Variants in PTPRE observed in about 807,000 individuals in gnomAD.
PTPRE encodes the protein protein tyrosine phosphatase receptor type E.
Under a neutral mutation model 102.0 loss-of-function variants are expected in PTPRE, and 51 were observed. The ratio of observed to expected loss-of-function variants is 0.50; its 90% CI spans 0.40 to 0.63. The LOEUF is 0.63. PTPRE is among the 30% of genes least tolerant of loss of function. PTPRE has a pLI of 0.00. For synonymous variants in PTPRE, 345 were observed against 348.2 expected, an observed-to-expected ratio of 0.99 and a Z score of 0.10; for missense variants, 752 against 915.1, an observed-to-expected ratio of 0.82 and a Z score of 2.30.
intron 2 of PTPRE, among the ~76,000 whole-genome samples, chr10:128,031,238 GTCA>G (rs1207735788): frequency 1.3e-5 from 2 of 152,234 alleles, no homozygotes; most frequent in Non-Finnish European, 2.9e-5. Context: ...GTTTAGTCCA[GTCA>G]TCATCACTTT....
intron 10 of PTPRE, among the ~76,000 whole-genome samples, chr10:128,063,382 A>T (rs997689194): frequency 6.6e-6 from 1 of 152,342 alleles, no homozygotes; most frequent in East Asian, 1.9e-4. Flanking sequence ...ACTGTTATCT[A>T]ATCTGTGATA....
chr10:128,061,593 G>A (rs1849595002), intron 8 of PTPRE, 86 bp from the exon 9 acceptor site: 1 of 1,486,772 alleles, frequency 6.7e-7, no homozygotes, highest in Non-Finnish European at 9.0e-7. Context: ...TGGTGAATAT[G>A]TACTGCTTTC....
At chr10:128,052,868 A>AC (rs1164236752) in intron 6 of PTPRE, among the ~76,000 whole-genome samples, 5 of 152,158 alleles carry the variant, frequency 3.3e-5, no homozygotes, top group Non-Finnish European at 7.3e-5. Flanking sequence ...AGAACTGCCC[A>AC]CACCTAGCTT....
chr10:127,960,303 C>T (rs190607602), intron 1 of PTPRE, among the ~76,000 whole-genome samples: 3 of 152,290 alleles, frequency 2.0e-5, no homozygotes, highest in East Asian at 3.9e-4. Context: ...AGCAAGTGAG[C>T]GCTGAGTTAG....
At chr10:128,071,416 C>T (rs1016981379) in intron 15 of PTPRE, 1 of 161,954 alleles carries the variant, frequency 6.2e-6, no homozygotes, top group Non-Finnish European at 1.4e-5. Context: ...GTCTGCCACC[C>T]AGGTCATGGG....
chr10:128,045,097 G>A (rs1847983619), intron 3 of PTPRE, among the ~76,000 whole-genome samples: 1 of 152,230 alleles, frequency 6.6e-6, no homozygotes, highest in Admixed American at 6.5e-5. Flanking sequence ...GCCCCTTGAA[G>A]GCCATTGGGT....
intron 1 of PTPRE, among the ~76,000 whole-genome samples, chr10:127,958,055 T>C (rs1465989992): frequency 2.0e-5 from 3 of 152,256 alleles, no homozygotes; most frequent in Non-Finnish European, 4.4e-5. Flanking sequence ...GAAACATTAC[T>C]ATAGTTACCT....
chr10:128,041,109 T>G (rs753257190), intron 3 of PTPRE, 119 bp downstream of exon 3: 1 of 850,670 alleles, frequency 1.2e-6, no homozygotes, highest in East Asian at 2.7e-5. Flanking sequence ...AATTTCTTAG[T>G]GTGCTTTTAA....
chr10:128,078,277 G>A (rs1394161147), intron 19 of PTPRE, among the ~76,000 whole-genome samples: 1 of 152,204 alleles, frequency 6.6e-6, no homozygotes, highest in African/African-American at 2.4e-5. Flanking sequence ...CCCAAGTCAG[G>A]CCCAAAGGCA....
chr10:128,056,099 T>C (rs752640569), intron 6 of PTPRE, 24 bp from the exon 7 acceptor site: 1 of 1,549,778 alleles, frequency 6.5e-7, no homozygotes, highest in Admixed American at 1.7e-5. Context: ...TCACATTTCA[T>C]ACTAATGCTA....
In PTPRE at chr10:128,024,581, A is replaced by G. The variant is rs372542322; in HGVS notation, c.-7-16294A>G. Among the ~76,000 whole-genome samples the G allele has an allele frequency of 5.3e-4, 80 of 152,336 alleles. No homozygotes were observed. In the East Asian group the frequency reaches 0.013, roughly 24 times the overall value. ...AGGATTAGAGTTTGGCACACAGGAA[A>G]TTGAAATTATCCCTTAACAGACTTG... On this transcript the variant is annotated intron_variant, in intron 2 of 20. Coordinates refer to ENST00000254667, the MANE Select transcript of PTPRE (RefSeq NM_006504.6).
intron 2 of PTPRE, among the ~76,000 whole-genome samples, chr10:127,986,501 C>T (rs1017928453): frequency 6.6e-6 from 1 of 152,108 alleles, no homozygotes; most frequent in Non-Finnish European, 1.5e-5. Flanking sequence ...TGGAAATACC[C>T]AAGGAATAAA....
rs1407862718 is a variant in PTPRE at position 128,084,373 on chromosome 10, C to T, written c.*1467C>T. The T allele has an allele frequency of 6.6e-6, 1 of 152,194 alleles. No homozygotes were observed. The highest frequency in any genetic ancestry group is 1.5e-5 in the Non-Finnish European group (1 of 68,038). The allele number at this position is 152,194 out of a possible 1,614,324, so 9.4% of individuals were successfully genotyped here. A position where few individuals can be genotyped will look rare whatever the true frequency, so the allele number is the denominator to read the frequency against. On this transcript the variant is annotated 3_prime_UTR_variant, in exon 21 of 21. Transcript: ENST00000254667. ...ATTTTCACTGATAACTGATCGCACC[C>T]TCATGTTGCAGTGTTCGTCCCCTAT...
intron 1 of PTPRE, among the ~76,000 whole-genome samples, chr10:127,937,820 C>T (rs943966532): frequency 1.6e-4 from 24 of 152,172 alleles, no homozygotes; most frequent in Admixed American, 1.4e-3. Flanking sequence ...GATCACACCA[C>T]TGCCCTCAAG....
At position 128,072,194 on chromosome 10, in the gene PTPRE, A is replaced by G. The variant is rs770141449; in HGVS notation, c.1444A>G (p.Ile482Val). 1.3e-5 allele frequency: 21 copies of G among 1,613,872 alleles called. No homozygotes were observed. In the South Asian group the frequency reaches 2.1e-4, roughly 16 times the overall value. The change falls in exon 16 of 21, where the codon ATC becomes GTC. Residue 482 changes from isoleucine (I) to valine (V), a missense_variant. This residue lies in a region of PTPRE where 636 missense variants were observed against 824.4 expected (regional missense o/e 0.77). Coordinates refer to ENST00000254667, the MANE Select transcript of PTPRE (RefSeq NM_006504.6). Reference sequence around the variant, plus strand: ...AAGGGGTCAAGAATACACAGACTACATCAACGCATCCTTCATAGACGTACG... The same window carrying G: ...AAGGGGTCAAGAATACACAGACTACGTCAACGCATCCTTCATAGACGTACG... The part of the protein sequence containing the change: ...MKRGQEYTDY[I>V]NASFIDGYRQ...
chr10:127,913,239 C>T (rs1845986917), intron 1 of PTPRE, among the ~76,000 whole-genome samples: 1 of 152,212 alleles, frequency 6.6e-6, no homozygotes, highest in Non-Finnish European at 1.5e-5. Flanking sequence ...AATCAAAGGC[C>T]TGAGATGATG....
intron 1 of PTPRE, among the ~76,000 whole-genome samples, chr10:127,969,794 A>G (rs1462400756): frequency 1.3e-5 from 2 of 152,084 alleles, no homozygotes; most frequent in Non-Finnish European, 2.9e-5. Flanking sequence ...ATACATCTGG[A>G]GAATCATGGT....
rs556447979 is a variant in PTPRE, at chr10:128,021,612, A to C, written c.-7-19263A>C. 5.9e-5 allele frequency among the ~76,000 whole-genome samples: 9 copies of C among 152,314 alleles called. No individual in the cohort carries two copies. The East Asian group carries it at 1.7e-3, about 29-fold the overall frequency. ...GTGAAACTACTGTCCTTGGCCTCCA[A>C]AGCATAGAATGCCCCCAAGCCAATG... On this transcript the variant is annotated intron_variant, in intron 2 of 20. Coordinates refer to ENST00000254667, the MANE Select transcript of PTPRE (RefSeq NM_006504.6).
chr10:128,074,684 T>G (rs1335128379), intron 17 of PTPRE, among the ~76,000 whole-genome samples: 1 of 151,624 alleles, frequency 6.6e-6, no homozygotes, highest in Non-Finnish European at 1.5e-5. Context: ...AAAAAAAAGT[T>G]TCTTGAACAT....
Sources: allele counts gnomAD v4.1 joint callset (sites outside exome capture counted in the v4.1 genomes callset), GRCh38; gene constraint gnomAD v4.1.1; regional missense constraint gnomAD v4.1.1; transcripts MANE v1.5; gene names NCBI Gene and HGNC (gene_info 2026-07-23, HGNC 2026-07-21).